KHDRBS2: variants seen among roughly 807,000 people sequenced by gnomAD.
The protein encoded by KHDRBS2 is KH domain-containing, RNA-binding, signal transduction-associated protein 2.
KHDRBS2 carries 26 observed loss-of-function variants against 44.3 expected under a neutral mutation model. The observed-to-expected ratio is 0.59, with a 90% CI of 0.43 to 0.81. KHDRBS2 has a LOEUF of 0.81. KHDRBS2 is among the 40% of genes least tolerant of loss of function. KHDRBS2 has a pLI of 0.00. For synonymous variants in KHDRBS2, 194 were observed against 151.1 expected (o/e 1.28, Z -2.08); for missense variants, 476 against 433.1 (o/e 1.10, Z -0.88).
At chr6:61,607,658 A>AATT in the KHDRBS2 span, among the ~76,000 whole-genome samples, 8 of 152,102 alleles carry the variant, frequency 5.3e-5, no homozygotes, top group African/African-American at 1.9e-4. Context: ...AAGATGTAGA[A>AATT]ATTATGAATA....
intron 6 of KHDRBS2, among the ~76,000 whole-genome samples, chr6:61,880,232 G>C (rs1457211020): frequency 6.6e-6 from 1 of 151,850 alleles, no homozygotes; most frequent in Non-Finnish European, 1.5e-5. Flanking sequence ...TAGTTTTGGA[G>C]ATGAAAGCTG....
At chr6:61,915,206 G>T (rs1405180893) in intron 4 of KHDRBS2, among the ~76,000 whole-genome samples, 1 of 151,968 alleles carries the variant, frequency 6.6e-6, no homozygotes, top group African/African-American at 2.4e-5. Flanking sequence ...GAGGAACTGG[G>T]GTTGGAGGGA....
At chr6:61,703,648 T>G (rs1254337886) in intron 7 of KHDRBS2, among the ~76,000 whole-genome samples, 1 of 151,866 alleles carries the variant, frequency 6.6e-6, no homozygotes. Flanking sequence ...ATTATTCTAT[T>G]AAGCTTCCTA....
At chr6:61,544,188 G>A in the KHDRBS2 span, among the ~76,000 whole-genome samples, 1 of 151,940 alleles carries the variant, frequency 6.6e-6, no homozygotes. Flanking sequence ...ATTATGCATT[G>A]TATGCCTGTA....
At chr6:61,672,078 G>A in the KHDRBS2 span, among the ~76,000 whole-genome samples, 336 of 142,522 alleles carry the variant, frequency 2.4e-3, 2 homozygotes, top group Non-Finnish European at 3.5e-3. Context: ...TCCCACCTAT[G>A]AGTGAGAATA....
intron 1 of KHDRBS2, among the ~76,000 whole-genome samples, chr6:62,227,346 T>C (rs555745971): frequency 6.6e-6 from 1 of 152,308 alleles, no homozygotes; most frequent in East Asian, 1.9e-4. Flanking sequence ...TATATAGGAA[T>C]GCTTGTGATT....
chr6:61,559,603 T>A, the KHDRBS2 span, among the ~76,000 whole-genome samples: 1 of 152,192 alleles, frequency 6.6e-6, no homozygotes, highest in South Asian at 2.1e-4. Flanking sequence ...GAAGTAACCA[T>A]GAAGCTTGCA....
rs775076602 is a variant in KHDRBS2 at position 62,219,921 on chromosome 6, TTA to T, written c.92-42611_92-42610del. The stretch of plus-strand genomic sequence containing the variant: ...ATTTTATATAGATCTATACTTGAAA[TTA>T]TATATATATATTAATAGTATATATA... On this transcript the variant is annotated intron_variant, in intron 1 of 8. Coordinates refer to ENST00000281156, the MANE Select transcript of KHDRBS2 (RefSeq NM_152688.4). Among the ~76,000 whole-genome samples the T allele has an allele frequency of 8.6e-3, 1,270 of 147,022 alleles. 20 individuals carry two copies. Among genetic ancestry groups the T allele is most frequent in the African/African-American group, 8.9e-3 (361 of 40,680 alleles).
chr6:61,735,529 T>C (rs1332453816), intron 6 of KHDRBS2, among the ~76,000 whole-genome samples: 1 of 152,166 alleles, frequency 6.6e-6, no homozygotes, highest in East Asian at 1.9e-4. Context: ...GAATTTTGAA[T>C]TGCATTTGAT....
At chr6:61,701,870 TG>T (rs934195005) in intron 7 of KHDRBS2, among the ~76,000 whole-genome samples, 1 of 151,990 alleles carries the variant, frequency 6.6e-6, no homozygotes, top group African/African-American at 2.4e-5. Flanking sequence ...GTGTTTTGTA[TG>T]GGGTAGAAGG....
chr6:61,575,605 G>A, the KHDRBS2 span, among the ~76,000 whole-genome samples: 1 of 152,042 alleles, frequency 6.6e-6, no homozygotes, highest in Non-Finnish European at 1.5e-5. Flanking sequence ...CTCACTACTG[G>A]GTATCTACCC....
intron 1 of KHDRBS2, among the ~76,000 whole-genome samples, chr6:62,202,497 CAGAGAG>C (rs145165346): frequency 6.6e-6 from 1 of 151,794 alleles, no homozygotes; most frequent in South Asian, 2.1e-4. Flanking sequence ...AAGAGAAAAA[CAGAGAG>C]AGAGATTTTT....
chr6:62,237,198 G>A (rs1399611644), intron 1 of KHDRBS2, among the ~76,000 whole-genome samples: 1 of 152,032 alleles, frequency 6.6e-6, no homozygotes, highest in Non-Finnish European at 1.5e-5. Flanking sequence ...GAAGATAGAG[G>A]CTCTAAAAGT....
chr6:61,711,111 T>G (rs1213052885), intron 7 of KHDRBS2, among the ~76,000 whole-genome samples: 1 of 151,594 alleles, frequency 6.6e-6, no homozygotes, highest in Non-Finnish European at 1.5e-5. Flanking sequence ...ATTTGTTGAA[T>G]AAATGAATGA....
chr6:61,811,498 C>A (rs1788113005), intron 6 of KHDRBS2, among the ~76,000 whole-genome samples: 2 of 152,132 alleles, frequency 1.3e-5, no homozygotes, highest in Non-Finnish European at 2.9e-5. Context: ...AATGGTACTT[C>A]TATTTTAAGT....
At chr6:62,061,472 T>A (rs1372770469) in intron 2 of KHDRBS2, among the ~76,000 whole-genome samples, 1 of 150,946 alleles carries the variant, frequency 6.6e-6, no homozygotes, top group African/African-American at 2.4e-5. Flanking sequence ...GGTTCAAAAT[T>A]CTTTTCTTTA....
chr6:61,671,235 C>A, the KHDRBS2 span, among the ~76,000 whole-genome samples: 1 of 151,628 alleles, frequency 6.6e-6, no homozygotes, highest in South Asian at 2.1e-4. Flanking sequence ...TGAGATCAAG[C>A]ATCTCCAATT....
At chr6:61,652,427 T>A in the KHDRBS2 span, 1 of 151,796 alleles carries the variant, frequency 6.6e-6, no homozygotes, top group African/African-American at 2.4e-5. Flanking sequence ...ATCTACTTTA[T>A]ATTTACTATA....
intron 6 of KHDRBS2, among the ~76,000 whole-genome samples, chr6:61,758,263 C>A (rs1778800115): frequency 6.6e-6 from 1 of 152,016 alleles, no homozygotes; most frequent in Non-Finnish European, 1.5e-5. Flanking sequence ...TATCATGAAA[C>A]ACTTGTTTCA....
Sources: allele counts gnomAD v4.1 joint callset (sites outside exome capture counted in the v4.1 genomes callset), GRCh38; gene constraint gnomAD v4.1.1; transcripts MANE v1.5; gene names NCBI Gene and HGNC (gene_info 2026-07-23, HGNC 2026-07-21).